The following GUCA1C variants were observed in gnomAD, a reference collection of about 807,000 sequenced individuals.
GUCA1C encodes the protein guanylate cyclase activator 1C.
GUCA1C carries 15 observed loss-of-function variants against 16.2 expected under a neutral mutation model. The observed-to-expected ratio is 0.93, with a 90% CI of 0.62 to 1.43. GUCA1C has a LOEUF of 1.43. Ranked by LOEUF, GUCA1C falls within the 40% of genes most tolerant of loss-of-function variation. The pLI, the probability that GUCA1C is intolerant of heterozygous loss-of-function variation, is 0.00. For missense variants in GUCA1C, 275 were observed against 244.8 expected (o/e 1.12, Z -0.82); for synonymous variants, 78 against 85.4 (o/e 0.91, Z 0.48).
At chr3:108,922,006 G>A (rs1946573234) in intron 1 of GUCA1C, among the ~76,000 whole-genome samples, 1 of 152,042 alleles carries the variant, frequency 6.6e-6, no homozygotes, top group African/African-American at 2.4e-5. Context: ...TCCCACATAT[G>A]AGTGAGAACA....
chr3:108,943,281 T>A (rs1946806496), intron 1 of GUCA1C, among the ~76,000 whole-genome samples: 1 of 152,096 alleles, frequency 6.6e-6, no homozygotes, highest in African/African-American at 2.4e-5. Flanking sequence ...GGATGACAGA[T>A]AATAGAAACA....
chr3:108,918,659 C>G (rs1020223320), intron 2 of GUCA1C, among the ~76,000 whole-genome samples: 2 of 152,160 alleles, frequency 1.3e-5, no homozygotes, highest in Non-Finnish European at 2.9e-5. Flanking sequence ...TAACTATCTC[C>G]TTTGTAGAGC....
chr3:108,939,723 T>G (rs1211410173), intron 1 of GUCA1C, among the ~76,000 whole-genome samples: 2 of 152,130 alleles, frequency 1.3e-5, no homozygotes, highest in Admixed American at 1.3e-4. Context: ...CCTTTCTTTA[T>G]GTACCCATGG....
At chr3:108,939,227 A>G (rs1312636747) in intron 1 of GUCA1C, among the ~76,000 whole-genome samples, 1 of 151,622 alleles carries the variant, frequency 6.6e-6, no homozygotes, top group Non-Finnish European at 1.5e-5. Flanking sequence ...CTTGCTCCTT[A>G]ATGAATAGAA....
chr3:108,928,390 T>G (rs1335760747), intron 1 of GUCA1C, among the ~76,000 whole-genome samples: 1 of 152,240 alleles, frequency 6.6e-6, no homozygotes, highest in Admixed American at 6.5e-5. Context: ...TCCCAGTTGG[T>G]GGCTTGTCTT....
At chr3:108,945,801 CT>C (rs1460511485) in intron 1 of GUCA1C, among the ~76,000 whole-genome samples, 10 of 152,226 alleles carry the variant, frequency 6.6e-5, no homozygotes, top group African/African-American at 2.2e-4. Context: ...ATTCTTATAT[CT>C]TGATTTATTA....
rs565146508 is a variant in GUCA1C, at chr3:108,910,016, A to C, written c.443-1807T>G. 1.3e-3 allele frequency among the ~76,000 whole-genome samples: 199 copies of C among 152,338 alleles called. 1 individual carries two copies. The highest frequency in any genetic ancestry group is 2.4e-3 in the Non-Finnish European group (164 of 68,018). On this transcript the variant is annotated intron_variant, in intron 3 of 3. Transcript: ENST00000261047. ...CGCCACTATAGCCGACGACAGTGCT[A>C]TGAATATGGTAGGTGCTCAGAAGGC...
intron 3 of GUCA1C, 132 bp downstream of exon 3, chr3:108,915,995 G>T: frequency 1.1e-6 from 1 of 945,192 alleles, no homozygotes; most frequent in Non-Finnish European, 1.6e-6. Context: ...CATTGGATTG[G>T]TCCCATTATG....
intron 1 of GUCA1C, among the ~76,000 whole-genome samples, chr3:108,934,227 T>C (rs1298417555): frequency 6.6e-6 from 1 of 152,126 alleles, no homozygotes; most frequent in Admixed American, 6.6e-5. Context: ...ACATAATGCA[T>C]TCAGGGCTGA....
intron 3 of GUCA1C, among the ~76,000 whole-genome samples, chr3:108,909,859 A>T (rs956009143): frequency 3.3e-5 from 5 of 152,306 alleles, no homozygotes; most frequent in Middle Eastern, 3.4e-3. Context: ...CTATAGTAAC[A>T]TGTTTACCAT....
In GUCA1C at chr3:108,907,871, G is replaced by C. The variant is rs187362303; in HGVS notation, c.*151C>G. 2.0e-3 allele frequency: 1,200 copies of C among 600,086 alleles called. 9 individuals are homozygous for C. Among genetic ancestry groups the C allele is most frequent in the Non-Finnish European group, 7.5e-4 (255 of 341,722 alleles). 37.2% of individuals were successfully genotyped at this position (600,086 alleles called of 1,614,324 possible). On this transcript the variant is annotated 3_prime_UTR_variant, in exon 4 of 4. Transcript: ENST00000261047. Reference sequence around the variant, plus strand: ...GCATCTGTTTAGGATCTTTATGCAAGTCTCTACTGGATTAAAATAAGTGCT... The same window carrying C: ...GCATCTGTTTAGGATCTTTATGCAACTCTCTACTGGATTAAAATAAGTGCT...
intron 1 of GUCA1C, among the ~76,000 whole-genome samples, chr3:108,935,167 G>T (rs143349228): frequency 2.4e-4 from 37 of 151,952 alleles, no homozygotes; most frequent in Middle Eastern, 3.4e-3. Flanking sequence ...CATAAACATG[G>T]CAACAATAGA....
chr3:108,942,073 G>A (rs1043597822), intron 1 of GUCA1C, among the ~76,000 whole-genome samples: 1 of 152,186 alleles, frequency 6.6e-6, no homozygotes, highest in Non-Finnish European at 1.5e-5. Context: ...CAAGGGTGCA[G>A]TCAGCATTCT....
intron 1 of GUCA1C, among the ~76,000 whole-genome samples, chr3:108,921,155 A>G (rs149362341): frequency 2.6e-4 from 39 of 152,272 alleles, no homozygotes; most frequent in Non-Finnish European, 4.4e-4. Context: ...TTACCTTTCT[A>G]GAAAGTCATA....
chr3:108,951,100 A>G (rs1299119150), intron 1 of GUCA1C, among the ~76,000 whole-genome samples: 2 of 152,232 alleles, frequency 1.3e-5, no homozygotes, highest in Non-Finnish European at 2.9e-5. Flanking sequence ...AATCTAAAAA[A>G]AAAATCAAAT....
intron 1 of GUCA1C, among the ~76,000 whole-genome samples, chr3:108,923,764 T>C (rs951128218): frequency 2.0e-5 from 3 of 152,232 alleles, no homozygotes; most frequent in African/African-American, 7.2e-5. Context: ...TTCACAATAT[T>C]GATTCTACTC....
At chr3:108,938,070 AC>A (rs1373006332) in intron 1 of GUCA1C, among the ~76,000 whole-genome samples, 1 of 152,094 alleles carries the variant, frequency 6.6e-6, no homozygotes, top group Non-Finnish European at 1.5e-5. Flanking sequence ...AAAAAAAAAA[AC>A]AAAAAACACA....
chr3:108,918,100 ATTCTTTC>A (rs1322166352), intron 2 of GUCA1C, among the ~76,000 whole-genome samples: 1 of 152,146 alleles, frequency 6.6e-6, no homozygotes, highest in Non-Finnish European at 1.5e-5. Context: ...AGACTAGGCA[ATTCTTTC>A]TTGTTCAGGG....
At chr3:108,942,780 C>G (rs1432799056) in intron 1 of GUCA1C, among the ~76,000 whole-genome samples, 1 of 152,226 alleles carries the variant, frequency 6.6e-6, no homozygotes, top group African/African-American at 2.4e-5. Context: ...ATCTTCCCCA[C>G]TAGATTGTAA....
Sources: gnomAD v4.1 joint callset for allele counts (sites outside exome capture counted in the v4.1 genomes callset) on GRCh38, gnomAD v4.1.1 for gene constraint, MANE v1.5 for transcripts, NCBI Gene and HGNC (gene_info 2026-07-23, HGNC 2026-07-21) for gene names.